SYT16: variants seen among roughly 807,000 people sequenced by gnomAD.
SYT16 encodes synaptotagmin 16, also known as synaptotagmin-16.
SYT16 carries 42 observed loss-of-function variants against 61.4 expected under a neutral mutation model. The observed-to-expected ratio is 0.68, with a 90% confidence interval of 0.53 to 0.89. The LOEUF is 0.89. SYT16 is among the 40% of genes least tolerant of loss of function. SYT16 has a pLI of 0.00. For missense variants in SYT16, 804 were observed against 807.3 expected, an observed-to-expected ratio of 1.00 and a Z score of 0.05; for synonymous variants, 314 against 302.3, an observed-to-expected ratio of 1.04 and a Z score of -0.40.
chr14:62,049,385 G>C (rs2055163047), intron 3 of SYT16, among the ~76,000 whole-genome samples: 1 of 152,246 alleles, frequency 6.6e-6, no homozygotes, highest in African/African-American at 2.4e-5. Context: ...CATGTGAGAT[G>C]GGTTTCCTGA....
At chr14:62,087,941 C>A (rs2140992479) in intron 7 of SYT16, among the ~76,000 whole-genome samples, 1 of 152,274 alleles carries the variant, frequency 6.6e-6, no homozygotes, top group African/African-American at 2.4e-5. Context: ...GCCTCCACTG[C>A]ACAGCCCCCA....
At chr14:62,092,238 T>A (rs1488896905) in intron 7 of SYT16, among the ~76,000 whole-genome samples, 4 of 141,358 alleles carry the variant, frequency 2.8e-5, no homozygotes, top group African/African-American at 5.1e-5. Flanking sequence ...TAACAAGTGT[T>A]AATGAGAATG....
chr14:62,006,509 C>T (rs1338604582), intron 3 of SYT16, among the ~76,000 whole-genome samples: 1 of 152,024 alleles, frequency 6.6e-6, no homozygotes, highest in Non-Finnish European at 1.5e-5. Flanking sequence ...TAAATTGGCC[C>T]AAAACAAGAG....
chr14:61,822,808 A>C (rs2045656276), intron 1 of SYT16, among the ~76,000 whole-genome samples: 1 of 152,188 alleles, frequency 6.6e-6, no homozygotes, highest in African/African-American at 2.4e-5. Context: ...AGTCAGGATG[A>C]TGCTCTGAAA....
At chr14:61,915,511 G>T (rs2049089776) in intron 1 of SYT16, among the ~76,000 whole-genome samples, 1 of 151,924 alleles carries the variant, frequency 6.6e-6, no homozygotes, top group Admixed American at 6.6e-5. Flanking sequence ...TTTTTTTAGA[G>T]AAATAAAAAA....
intron 1 of SYT16, among the ~76,000 whole-genome samples, chr14:61,955,713 CG>C (rs1339796951): frequency 2.0e-5 from 3 of 151,880 alleles, no homozygotes; most frequent in African/African-American, 7.3e-5. Context: ...AGGTTGATTC[CG>C]TATCTTGGCT....
chr14:62,046,973 T>C (rs2055019824), intron 3 of SYT16, among the ~76,000 whole-genome samples: 1 of 152,236 alleles, frequency 6.6e-6, no homozygotes, highest in African/African-American at 2.4e-5. Flanking sequence ...TCAAATAGTT[T>C]TTTCCAATTC....
intron 2 of SYT16, among the ~76,000 whole-genome samples, chr14:61,978,238 G>T (rs771253498): frequency 2.0e-5 from 3 of 152,236 alleles, no homozygotes; most frequent in Admixed American, 6.5e-5. Flanking sequence ...AGCAGGAGAA[G>T]AAGGTGGAAG....
At chr14:61,956,134 A>G (rs1186045540) in intron 1 of SYT16, among the ~76,000 whole-genome samples, 1 of 151,770 alleles carries the variant, frequency 6.6e-6, no homozygotes, top group Non-Finnish European at 1.5e-5. Context: ...TTGCCCATTT[A>G]TTAATTGGGT....
chr14:61,866,514 A>G (rs552415857), intron 1 of SYT16, among the ~76,000 whole-genome samples: 56 of 152,274 alleles, frequency 3.7e-4, no homozygotes, highest in African/African-American at 1.2e-3. Flanking sequence ...CATTTTTCCA[A>G]TGACTAATGA....
At chr14:61,873,965 T>TACTTGA (rs2047409236) in intron 1 of SYT16, among the ~76,000 whole-genome samples, 1 of 152,238 alleles carries the variant, frequency 6.6e-6, no homozygotes, top group Non-Finnish European at 1.5e-5. Flanking sequence ...AAGGAGAATA[T>TACTTGA]ATTCTGCCTT....
intron 3 of SYT16, among the ~76,000 whole-genome samples, chr14:62,051,233 A>C (rs765046531): frequency 6.6e-6 from 1 of 152,252 alleles, no homozygotes; most frequent in Non-Finnish European, 1.5e-5. Context: ...CTGTGCTAGC[A>C]ATGAGCGAGG....
intron 1 of SYT16, among the ~76,000 whole-genome samples, chr14:61,934,933 A>G (rs2049918123): frequency 6.6e-6 from 1 of 152,160 alleles, no homozygotes; most frequent in Non-Finnish European, 1.5e-5. Flanking sequence ...TCGTGAACTC[A>G]GTACAGTTTT....
At chr14:61,832,162 A>G (rs1343329030) in intron 1 of SYT16, 5 of 693,120 alleles carry the variant, frequency 7.2e-6, no homozygotes, top group Admixed American at 3.7e-5. Flanking sequence ...CGGTTGCTCC[A>G]GGAGGCCTTC....
chr14:61,848,823 C>G (rs1411167646), intron 1 of SYT16, among the ~76,000 whole-genome samples: 1 of 152,152 alleles, frequency 6.6e-6, no homozygotes, highest in Non-Finnish European at 1.5e-5. Context: ...GAGCTGGTAT[C>G]TAAGCTGCAA....
At chr14:61,937,730 T>C (rs1594955715) in intron 1 of SYT16, among the ~76,000 whole-genome samples, 3 of 152,192 alleles carry the variant, frequency 2.0e-5, no homozygotes, top group African/African-American at 7.2e-5. Context: ...TTCCCAGATA[T>C]GATGTGGCAT....
intron 2 of SYT16, among the ~76,000 whole-genome samples, chr14:61,986,608 C>G (rs373123657): frequency 1.2e-4 from 18 of 152,058 alleles, no homozygotes; most frequent in African/African-American, 4.3e-4. Context: ...CTCCTCCCCC[C>G]ACCCCACAAC....
intron 1 of SYT16, among the ~76,000 whole-genome samples, chr14:61,842,472 C>T (rs927354354): frequency 5.9e-5 from 9 of 152,180 alleles, no homozygotes; most frequent in Non-Finnish European, 8.8e-5. Context: ...TAATGACCTC[C>T]AGTTCCATCC....
chr14:61,993,001 A>T (rs1210665998), intron 2 of SYT16, among the ~76,000 whole-genome samples: 1 of 151,002 alleles, frequency 6.6e-6, no homozygotes, highest in African/African-American at 2.4e-5. Context: ...ATGAACTGTC[A>T]ATTTTTGTAA....
Sources: gnomAD v4.1 joint callset for allele counts (sites outside exome capture counted in the v4.1 genomes callset) on GRCh38, gnomAD v4.1.1 for gene constraint, MANE v1.5 for transcripts, NCBI Gene and HGNC (gene_info 2026-07-23, HGNC 2026-07-21) for gene names.